The following TMEM178B variants were observed in gnomAD, a reference collection of about 807,000 sequenced individuals.
TMEM178B encodes the protein transmembrane protein 178B.
Under a neutral mutation model 31.0 loss-of-function variants are expected in TMEM178B, and 5 were observed. That is an observed-to-expected ratio of 0.16 (90% CI 0.08 to 0.34). The LOEUF (loss-of-function observed/expected upper bound fraction) is 0.34, where lower values mean the gene tolerates loss of function less well. TMEM178B is among the 10% of genes least tolerant of loss of function. The pLI, the probability that TMEM178B is intolerant of heterozygous loss-of-function variation, is 1.00. For synonymous variants in TMEM178B, 164 were observed against 164.0 expected, an observed-to-expected ratio of 1.00 and a Z score of 0.00; for missense variants, 275 against 400.3, an observed-to-expected ratio of 0.69 and a Z score of 2.67.
rs1343852640 is a variant in TMEM178B at position 141,331,732 on chromosome 7, AGTT to A, written c.497-105875_497-105873del. ...AAGGAATTTGCTGGTATTTGATGACAGTTTCAGTGGCTGATGCAGTGAGCCTGA... is the reference window on the plus strand; with the variant it reads ...AAGGAATTTGCTGGTATTTGATGACATCAGTGGCTGATGCAGTGAGCCTGA... On this transcript the variant is annotated intron_variant, in intron 2 of 3. Transcript: ENST00000565468. Among the ~76,000 whole-genome samples the A allele has an allele frequency of 5.3e-5, 8 of 152,174 alleles. 1 individual carries two copies. In the South Asian group the frequency reaches 6.2e-4, roughly 12 times the overall value.
At chr7:141,253,778 C>G (rs1187665639) in intron 2 of TMEM178B, among the ~76,000 whole-genome samples, 2 of 152,048 alleles carry the variant, frequency 1.3e-5, no homozygotes, top group Non-Finnish European at 2.9e-5. Context: ...TCTCCAACTC[C>G]TGACCTCAGG....
chr7:141,218,502 T>C (rs978088148), intron 2 of TMEM178B, among the ~76,000 whole-genome samples: 1 of 152,154 alleles, frequency 6.6e-6, no homozygotes, highest in Admixed American at 6.5e-5. Context: ...TCTTGATCTC[T>C]CACCACTGCC....
At chr7:141,499,667 AG>A in the TMEM178B span, among the ~76,000 whole-genome samples, 1 of 152,002 alleles carries the variant, frequency 6.6e-6, no homozygotes, top group Non-Finnish European at 1.5e-5. Context: ...ACCCCACAAA[AG>A]ATAAGTATAT....
chr7:141,349,290 T>C (rs1199088335), intron 2 of TMEM178B, among the ~76,000 whole-genome samples: 1 of 152,180 alleles, frequency 6.6e-6, no homozygotes, highest in Non-Finnish European at 1.5e-5. Flanking sequence ...AAAGACACTA[T>C]GTATATTTAT....
chr7:141,423,035 T>G (rs572932892), intron 2 of TMEM178B, among the ~76,000 whole-genome samples: 211 of 152,276 alleles, frequency 1.4e-3, no homozygotes, highest in African/African-American at 4.7e-3. Context: ...AAAATTAATT[T>G]TCATTATTTA....
At chr7:141,167,954 G>T (rs1299810193) in intron 1 of TMEM178B, among the ~76,000 whole-genome samples, 4 of 152,118 alleles carry the variant, frequency 2.6e-5, no homozygotes, top group Non-Finnish European at 2.9e-5. Flanking sequence ...TTCCTTTCAC[G>T]CTTTCATGCA....
In TMEM178B at chr7:141,381,852, T is replaced by C. The variant is rs1043141378; in HGVS notation, c.497-55756T>C. On this transcript the variant is annotated intron_variant, in intron 2 of 3. Coordinates refer to ENST00000565468, the MANE Select transcript of TMEM178B (RefSeq NM_001195278.2). ...CTCATCTATTTTGTTTTGGCTAGAA[T>C]GTTCCCCATTTTTAATACAGAGAGT... 3.3e-5 allele frequency among the ~76,000 whole-genome samples: 5 copies of C among 152,294 alleles called. No individual in the cohort carries two copies. In the East Asian group the frequency reaches 7.7e-4, roughly 24 times the overall value.
At chr7:141,220,535 G>T (rs1461312349) in intron 2 of TMEM178B, among the ~76,000 whole-genome samples, 1 of 151,736 alleles carries the variant, frequency 6.6e-6, no homozygotes, top group Non-Finnish European at 1.5e-5. Flanking sequence ...GGGAAGGGAG[G>T]AGGCCTGGAG....
intron 2 of TMEM178B, among the ~76,000 whole-genome samples, chr7:141,345,223 CA>C (rs1249029803): frequency 1.3e-5 from 2 of 152,280 alleles, no homozygotes; most frequent in East Asian, 3.9e-4. Context: ...GGAACAAATT[CA>C]TGATCAATAG....
chr7:141,392,200 C>A (rs1042638718), intron 2 of TMEM178B, among the ~76,000 whole-genome samples: 8 of 152,078 alleles, frequency 5.3e-5, no homozygotes, highest in African/African-American at 1.9e-4. Context: ...ACTACCTAAC[C>A]CTAGAATGCA....
At chr7:141,088,848 G>A (rs1318846196) in intron 1 of TMEM178B, among the ~76,000 whole-genome samples, 1 of 152,164 alleles carries the variant, frequency 6.6e-6, no homozygotes, top group African/African-American at 2.4e-5. Flanking sequence ...AAAATAAATT[G>A]AAGTTTATTA....
chr7:141,508,275 CA>C, the TMEM178B span, among the ~76,000 whole-genome samples: 2 of 152,200 alleles, frequency 1.3e-5, no homozygotes, highest in Admixed American at 6.5e-5. Context: ...TAACAAGAGT[CA>C]CCTTTACTCC....
chr7:141,314,737 A>G (rs1448448598), intron 2 of TMEM178B, among the ~76,000 whole-genome samples: 3 of 152,026 alleles, frequency 2.0e-5, no homozygotes, highest in Admixed American at 6.5e-5. Flanking sequence ...CTGTCCATCA[A>G]TGGCTCTTGT....
chr7:141,097,380 A>G (rs1048479036), intron 1 of TMEM178B, among the ~76,000 whole-genome samples: 39 of 151,860 alleles, frequency 2.6e-4, no homozygotes, highest in Non-Finnish European at 4.7e-4. Flanking sequence ...AAAAAAAAAA[A>G]AAAAAAAAGA....
chr7:141,428,555 A>G (rs1441063750), intron 2 of TMEM178B, among the ~76,000 whole-genome samples: 6 of 152,098 alleles, frequency 3.9e-5, no homozygotes, highest in Admixed American at 6.5e-5. Context: ...CAGGTAAGGG[A>G]AAAATGCCTC....
intron 2 of TMEM178B, among the ~76,000 whole-genome samples, chr7:141,296,876 G>A (rs192304471): frequency 6.6e-6 from 1 of 152,318 alleles, no homozygotes; most frequent in East Asian, 1.9e-4. Context: ...CAGGGTCTCT[G>A]CAGCCATGGA....
intron 2 of TMEM178B, among the ~76,000 whole-genome samples, chr7:141,322,164 A>G (rs1207477628): frequency 1.3e-5 from 2 of 152,236 alleles, no homozygotes; most frequent in Middle Eastern, 3.4e-3. Flanking sequence ...TGTTGTTATC[A>G]TTAACAATAA....
chr7:141,208,068 C>T lies in TMEM178B; in HGVS notation c.383-4523C>T, dbSNP rs150038791. Among the ~76,000 whole-genome samples, 7 of 152,266 alleles carry T rather than the reference C, an allele frequency of 4.6e-5. No homozygotes were observed. In the East Asian group the frequency reaches 1.4e-3, roughly 29 times the overall value. ...ATTAACTGGACATGGTGGCATGTGC[C>T]TGTAGTCACAGCTATTGCAGAGGCT... On this transcript the variant is annotated intron_variant, in intron 1 of 3. Transcript: ENST00000565468.
Position 141,297,531 on chromosome 7 carries a change from A to G in TMEM178B, c.496+84827A>G, listed in dbSNP as rs553750321. 1.5e-3 allele frequency among the ~76,000 whole-genome samples: 221 copies of G among 152,092 alleles called. 1 individual carries two copies. The highest frequency in any genetic ancestry group is 5.1e-3 in the African/African-American group (213 of 41,500). ...CTTCCCCCACCCCACAACAGGCCCCAGTGTGTGATGTTCCCCACTCTGTGT... is the reference window on the plus strand; with the variant it reads ...CTTCCCCCACCCCACAACAGGCCCCGGTGTGTGATGTTCCCCACTCTGTGT... On this transcript the variant is annotated intron_variant, in intron 2 of 3. Coordinates refer to ENST00000565468, the MANE Select transcript of TMEM178B (RefSeq NM_001195278.2).
Sources: allele counts gnomAD v4.1 joint callset (sites outside exome capture counted in the v4.1 genomes callset), GRCh38; gene constraint gnomAD v4.1.1; transcripts MANE v1.5; gene names NCBI Gene and HGNC (gene_info 2026-07-23, HGNC 2026-07-21).